The following MAP3K21 variants were observed in gnomAD, a reference collection of about 807,000 sequenced individuals.
MAP3K21 encodes mitogen-activated protein kinase kinase kinase MLK4.
A neutral mutation model predicts 86.1 loss-of-function variants in MAP3K21; 63 were observed. That is an observed-to-expected ratio of 0.73 (90% CI 0.60 to 0.90). MAP3K21 has a LOEUF of 0.90. Ranked by LOEUF, MAP3K21 falls within the 40% of genes least tolerant of loss-of-function variation. The probability of loss-of-function intolerance (pLI) is 0.00; values close to 1 mark genes in which losing one functional copy is unlikely to be tolerated. For synonymous variants in MAP3K21, 558 were observed against 564.8 expected (o/e 0.99, Z 0.17); for missense variants, 1,220 against 1,367.7 (o/e 0.89, Z 1.70).
At chr1:233,344,001 G>A (rs1663086554) in intron 1 of MAP3K21, among the ~76,000 whole-genome samples, 1 of 152,194 alleles carries the variant, frequency 6.6e-6, no homozygotes, top group Non-Finnish European at 1.5e-5. Flanking sequence ...GGACAACCTA[G>A]GGAACATTTC....
chr1:233,351,424 G>C (rs1303655523), intron 2 of MAP3K21, among the ~76,000 whole-genome samples: 1 of 152,166 alleles, frequency 6.6e-6, no homozygotes, highest in African/African-American at 2.4e-5. Context: ...TGGAGAAATA[G>C]CTTGTGAGCA....
intron 5 of MAP3K21, among the ~76,000 whole-genome samples, chr1:233,371,761 G>GTGTGTT (rs1333269522): frequency 6.6e-6 from 1 of 151,450 alleles, no homozygotes; most frequent in African/African-American, 2.4e-5. Flanking sequence ...GTGTGTGTGT[G>GTGTGTT]TGTGTGTGTG....
In MAP3K21 at chr1:233,354,983, T is replaced by C. The variant is rs373128635; in HGVS notation, c.1283T>C (p.Met428Thr). 2 of 1,613,934 alleles carry C rather than the reference T, an allele frequency of 1.2e-6. No homozygotes were observed. The highest frequency in any genetic ancestry group is 1.1e-5 in the South Asian group (1 of 91,066). The change falls in exon 4 of 10, where the codon ATG becomes ACG. Residue 428 changes from methionine to threonine, a missense_variant. Physicochemically the swap from Met to Thr is moderately conservative, Grantham distance 81 (BLOSUM62 -1). Transcript: ENST00000366624. Reference protein sequence around the residue: ...QDDWKLEIQQMFDELRTKEKE... With the variant: ...QDDWKLEIQQTFDELRTKEKE... ...GACTGGAAACTAGAAATTCAACAAA[T>C]GTTTGATGAGTTGAGAACAAAGGAA...
At chr1:233,374,275 A>T (rs1429557274) in intron 6 of MAP3K21, 1 of 151,722 alleles carries the variant, frequency 6.6e-6, no homozygotes, top group Non-Finnish European at 1.5e-5. Flanking sequence ...TCCTGGGTTC[A>T]AGTGATTCTC....
intron 2 of MAP3K21, among the ~76,000 whole-genome samples, chr1:233,352,983 C>T (rs1353680776): frequency 1.3e-5 from 2 of 152,156 alleles, no homozygotes; most frequent in Non-Finnish European, 2.9e-5. Context: ...GGCTATCAGT[C>T]TGTGGTATGG....
chr1:233,327,752 G>T lies in MAP3K21; in HGVS notation c.-277G>T, dbSNP rs1662719359. On this transcript the variant is annotated 5_prime_UTR_variant, in exon 1 of 10. Transcript: ENST00000366624. ...CCAGGCTCTGGCTAAGGAGCGCGCG[G>T]CGGGCGGGCCGGCCGCAGGGCCTGG... 1 of 266,098 alleles carries T rather than the reference G, an allele frequency of 3.8e-6. No homozygotes were observed. The highest frequency in any genetic ancestry group is 6.7e-5 in the East Asian group (1 of 14,888). 16.5% of individuals were successfully genotyped at this position (266,098 alleles called of 1,614,324 possible).
At chr1:233,354,791 A>ATGTCTTGGGG (rs6143674) in intron 3 of MAP3K21, 45 bp from the exon 4 acceptor site, 30 of 1,429,548 alleles carry the variant, frequency 2.1e-5, no homozygotes, top group Non-Finnish European at 2.7e-5. Context: ...AGCAACTCTA[A>ATGTCTTGGGG]ACTGCGTTGA....
In MAP3K21 at chr1:233,382,327, C is replaced by T; in HGVS notation, c.2727C>T (p.Ala909=). 1.2e-6 allele frequency: 2 copies of T among 1,613,416 alleles called. No individual in the cohort carries two copies. Among genetic ancestry groups the T allele is most frequent in the Non-Finnish European group, 1.7e-6 (2 of 1,179,532 alleles). ...PTPTGATIIS[A]TGASALPLCP... is the part of the protein sequence containing the mutation. Reference sequence around the variant, plus strand: ...CAGCTGGTGCAACTATTATCTCAGCCACTGGAGCCTCTGCACTGCCACTCT... The same window carrying T: ...CAGCTGGTGCAACTATTATCTCAGCTACTGGAGCCTCTGCACTGCCACTCT... The change falls in exon 10 of 10, where the codon GCC becomes GCT. Residue 909 remains alanine (A), a synonymous_variant. Transcript: ENST00000366624.
rs1024556780 is a variant in MAP3K21 at position 233,341,130 on chromosome 1, TCAAA to T, written c.806-5309_806-5306del. On this transcript the variant is annotated intron_variant, in intron 1 of 9. Transcript: ENST00000366624. ...TTACTGAAGTCACAGGAAAGGGTGC[TCAAA>T]CAGTTGTTGCTAGGATACTCACAAG... is the stretch of plus-strand genomic sequence containing the variant. 2.0e-5 allele frequency among the ~76,000 whole-genome samples: 3 copies of T among 152,162 alleles called. 1 individual carries two copies. Among genetic ancestry groups the T allele is most frequent in the Admixed American group, 2.0e-4 (3 of 15,268 alleles).
chr1:233,347,682 G>T (rs893023983), intron 2 of MAP3K21, among the ~76,000 whole-genome samples: 2 of 152,134 alleles, frequency 1.3e-5, no homozygotes, highest in Non-Finnish European at 2.9e-5. Context: ...TTAACATTGG[G>T]TACTCAGGGA....
At chr1:233,369,830 CAGA>C (rs149284153) in intron 5 of MAP3K21, among the ~76,000 whole-genome samples, 23,286 of 152,056 alleles carry the variant, frequency 0.15, 1,893 homozygotes, top group East Asian at 0.21. Context: ...GGGCATTTTG[CAGA>C]AGAAGTGAGC....
chr1:233,343,481 C>T (rs946915478), intron 1 of MAP3K21, among the ~76,000 whole-genome samples: 1 of 152,176 alleles, frequency 6.6e-6, no homozygotes, highest in African/African-American at 2.4e-5. Flanking sequence ...TGCATTTCCT[C>T]ACCACTCTAC....
intron 1 of MAP3K21, among the ~76,000 whole-genome samples, chr1:233,343,793 G>T (rs1321118600): frequency 2.6e-5 from 4 of 152,088 alleles, no homozygotes; most frequent in African/African-American, 9.7e-5. Flanking sequence ...TGTCGTATGG[G>T]TTATGTAATT....
chr1:233,331,790 A>G (rs368578666), intron 1 of MAP3K21, among the ~76,000 whole-genome samples: 1 of 152,200 alleles, frequency 6.6e-6, no homozygotes, highest in Non-Finnish European at 1.5e-5. Context: ...AAGTTTTATC[A>G]TATCTTGTGA....
chr1:233,356,950 A>G (rs1459709917), intron 4 of MAP3K21, among the ~76,000 whole-genome samples: 1 of 152,230 alleles, frequency 6.6e-6, no homozygotes, highest in Non-Finnish European at 1.5e-5. Flanking sequence ...AAACATTGAA[A>G]CAAATGTGAG....
At chr1:233,353,711 A>G in intron 2 of MAP3K21, 96 bp from the exon 3 acceptor site, 1 of 1,177,818 alleles carries the variant, frequency 8.5e-7, no homozygotes, top group Non-Finnish European at 1.1e-6. Context: ...TCCTATTAGG[A>G]ATGGATGAAG....
chr1:233,342,661 C>T (rs1206271516), intron 1 of MAP3K21, among the ~76,000 whole-genome samples: 1 of 152,130 alleles, frequency 6.6e-6, no homozygotes, highest in Non-Finnish European at 1.5e-5. Flanking sequence ...TAAAATCATT[C>T]ACAATTTTGT....
chr1:233,356,179 G>A (rs1287477316), intron 4 of MAP3K21, among the ~76,000 whole-genome samples: 1 of 152,104 alleles, frequency 6.6e-6, no homozygotes, highest in African/African-American at 2.4e-5. Flanking sequence ...CTACTCCATC[G>A]GGTAAACTGT....
intron 2 of MAP3K21, among the ~76,000 whole-genome samples, chr1:233,351,456 G>C (rs938496898): frequency 6.6e-6 from 1 of 152,080 alleles, no homozygotes; most frequent in African/African-American, 2.4e-5. Context: ...ACTTTTGGAG[G>C]CCAAGGTAGG....
Sources: gnomAD v4.1 joint callset for allele counts (sites outside exome capture counted in the v4.1 genomes callset) on GRCh38, gnomAD v4.1.1 for gene constraint, MANE v1.5 for transcripts, NCBI Gene and HGNC (gene_info 2026-07-23, HGNC 2026-07-21) for gene names.